CLIC4: variants seen among roughly 807,000 people sequenced by gnomAD.
CLIC4 encodes the protein chloride intracellular channel protein 4.
CLIC4 carries 13 observed loss-of-function variants against 24.6 expected under a neutral mutation model. The ratio of observed to expected loss-of-function variants is 0.53; its 90% CI spans 0.34 to 0.84. The LOEUF is 0.84. CLIC4 is among the 40% of genes least tolerant of loss of function. CLIC4 has a pLI of 0.01. For missense variants in CLIC4, 227 were observed against 301.7 expected, an observed-to-expected ratio of 0.75 and a Z score of 1.83; for synonymous variants, 104 against 111.3, an observed-to-expected ratio of 0.93 and a Z score of 0.41.
At chr1:24,811,286 T>C (rs1295509526) in intron 2 of CLIC4, among the ~76,000 whole-genome samples, 1 of 152,194 alleles carries the variant, frequency 6.6e-6, no homozygotes. Context: ...TGTGATATCT[T>C]GTACCAAGTA....
intron 1 of CLIC4, chr1:24,771,739 A>G (rs920490063): frequency 2.6e-5 from 10 of 383,618 alleles, no homozygotes; most frequent in Admixed American, 2.9e-5. Context: ...AACTTGAGAC[A>G]TGTAATTGGG....
intron 1 of CLIC4, among the ~76,000 whole-genome samples, chr1:24,776,005 C>T (rs1300051566): frequency 1.3e-5 from 2 of 152,120 alleles, no homozygotes; most frequent in Non-Finnish European, 2.9e-5. Context: ...GATTAACTTA[C>T]CTGAATTCAA....
chr1:24,758,818 T>A (rs1447036810), intron 1 of CLIC4, among the ~76,000 whole-genome samples: 1 of 151,900 alleles, frequency 6.6e-6, no homozygotes, highest in Non-Finnish European at 1.5e-5. Context: ...TATTTTTATT[T>A]TTTTATTTTT....
chr1:24,790,549 C>A (rs1366582646), intron 1 of CLIC4, among the ~76,000 whole-genome samples: 3 of 152,186 alleles, frequency 2.0e-5, no homozygotes, highest in Non-Finnish European at 4.4e-5. Flanking sequence ...AACAAGCCAG[C>A]AACCATGGTG....
intron 4 of CLIC4, among the ~76,000 whole-genome samples, chr1:24,837,357 CAAG>C (rs1460258798): frequency 6.6e-6 from 1 of 152,038 alleles, no homozygotes; most frequent in Non-Finnish European, 1.5e-5. Context: ...AAAATTGACA[CAAG>C]GAGGAATTAA....
chr1:24,831,179 T>G (rs1351688242), intron 4 of CLIC4, among the ~76,000 whole-genome samples: 5 of 152,226 alleles, frequency 3.3e-5, no homozygotes, highest in Admixed American at 3.3e-4. Flanking sequence ...TACAAAATTA[T>G]AGAGAAAACA....
intron 4 of CLIC4, among the ~76,000 whole-genome samples, chr1:24,831,252 A>G (rs893586489): frequency 1.3e-5 from 2 of 152,122 alleles, no homozygotes; most frequent in Non-Finnish European, 2.9e-5. Context: ...TAAATGAGAC[A>G]AGGTCTCACC....
Position 24,745,449 on chromosome 1 carries a change from T to G in CLIC4, c.-105T>G. Reference sequence around the variant, plus strand: ...CCGTGGCCAGCTCGACGCCGGACAGTCCAGCGAGCAGCACGGCGGGAACCG... The same window carrying G: ...CCGTGGCCAGCTCGACGCCGGACAGGCCAGCGAGCAGCACGGCGGGAACCG... On this transcript the variant is annotated 5_prime_UTR_variant, in exon 1 of 6. Transcript: ENST00000374379. 11 of 1,043,218 alleles carry G rather than the reference T, an allele frequency of 1.1e-5. No homozygotes were observed. The highest frequency in any genetic ancestry group is 1.4e-5 in the Non-Finnish European group (10 of 712,608). 64.6% of individuals were successfully genotyped at this position (1,043,218 alleles called of 1,614,324 possible).
At chr1:24,823,394 T>C (rs1254480633) in intron 3 of CLIC4, among the ~76,000 whole-genome samples, 1 of 152,226 alleles carries the variant, frequency 6.6e-6, no homozygotes, top group African/African-American at 2.4e-5. Context: ...TATACTTAGC[T>C]AACTTACTGA....
chr1:24,828,699 G>A (rs1446398112), intron 4 of CLIC4, among the ~76,000 whole-genome samples: 1 of 136,380 alleles, frequency 7.3e-6, no homozygotes, highest in Non-Finnish European at 1.6e-5. Context: ...CGGGGTGGGG[G>A]TGGGGCGGGA....
intron 1 of CLIC4, among the ~76,000 whole-genome samples, chr1:24,785,680 C>T (rs71652338): frequency 0.24 from 36,992 of 151,614 alleles, 5,106 homozygotes; most frequent in Admixed American, 0.34. Context: ...GGTGAAACCC[C>T]GTCTCTACTA....
intron 1 of CLIC4, among the ~76,000 whole-genome samples, chr1:24,761,867 G>A (rs1638931310): frequency 6.6e-6 from 1 of 152,158 alleles, no homozygotes; most frequent in African/African-American, 2.4e-5. Context: ...AGAGAAAAGT[G>A]TGAGAAATGA....
At chr1:24,790,216 C>T (rs924765526) in intron 1 of CLIC4, among the ~76,000 whole-genome samples, 3 of 152,176 alleles carry the variant, frequency 2.0e-5, no homozygotes, top group African/African-American at 7.2e-5. Context: ...GGATTATAGG[C>T]GTGCGCCACC....
chr1:24,759,689 C>T (rs1004247144), intron 1 of CLIC4, among the ~76,000 whole-genome samples: 3 of 152,180 alleles, frequency 2.0e-5, no homozygotes, highest in African/African-American at 4.8e-5. Context: ...TGACTCACGC[C>T]TGTACTCCCA....
At position 24,840,919 on chromosome 1, in the gene CLIC4, C is replaced by A; in HGVS notation, c.744C>A (p.Ala248=). 6.3e-7 allele frequency: 1 copy of A among 1,587,726 alleles called. No individual in the cohort carries two copies. The highest frequency in any genetic ancestry group is 8.5e-7 in the Non-Finnish European group (1 of 1,169,816). Residue 248 remains alanine (A), a synonymous_variant, in exon 6 of 6, where the codon GCC becomes GCA. Coordinates refer to ENST00000374379, the MANE Select transcript of CLIC4 (RefSeq NM_013943.3). ...KEVEIAYSDV[A]KRLTK is the part of the protein sequence containing the mutation. The stretch of plus-strand genomic sequence containing the variant: ...TTGAAATAGCATATAGTGATGTAGC[C>A]AAAAGACTCACCAAGTAAAATCGCG...
At chr1:24,751,253 G>A (rs1196835763) in intron 1 of CLIC4, among the ~76,000 whole-genome samples, 8 of 137,070 alleles carry the variant, frequency 5.8e-5, no homozygotes, top group Admixed American at 1.6e-4. Context: ...ACTGTTACCC[G>A]GGCTGGAGTG....
At chr1:24,799,126 C>T (rs1639441767) in intron 2 of CLIC4, among the ~76,000 whole-genome samples, 1 of 151,088 alleles carries the variant, frequency 6.6e-6, no homozygotes, top group East Asian at 2.0e-4. Flanking sequence ...ATGTGAGGAG[C>T]CCCTCTGCCT....
intron 2 of CLIC4, among the ~76,000 whole-genome samples, chr1:24,805,304 T>TC (rs1221021906): frequency 6.6e-6 from 1 of 151,960 alleles, no homozygotes; most frequent in Non-Finnish European, 1.5e-5. Context: ...TGACAAGGGG[T>TC]CTTGGTGTGT....
rs536361084 is a variant in CLIC4 at position 24,806,054 on chromosome 1, T to C, written c.183-8040T>C. Among the ~76,000 whole-genome samples, 3 of 152,372 alleles carry C rather than the reference T, an allele frequency of 2.0e-5. No individual in the cohort carries two copies. In the South Asian group the frequency reaches 6.2e-4, roughly 32 times the overall value. ...TGCAAGGCATGAGTTCTGTGCACTT[T>C]GCTCTTGATGTCACGTAAGGGAAAT... is the stretch of plus-strand genomic sequence containing the variant. On this transcript the variant is annotated intron_variant, in intron 2 of 5. Coordinates refer to ENST00000374379, the MANE Select transcript of CLIC4 (RefSeq NM_013943.3).
Sources: allele counts gnomAD v4.1 joint callset (sites outside exome capture counted in the v4.1 genomes callset), GRCh38; gene constraint gnomAD v4.1.1; transcripts MANE v1.5; gene names NCBI Gene and HGNC (gene_info 2026-07-23, HGNC 2026-07-21).